Variants in SRBD1 observed in about 807,000 individuals in gnomAD.
SRBD1 encodes S1 RNA binding domain 1, also known as S1 RNA-binding domain-containing protein 1.
A neutral mutation model predicts 115.3 loss-of-function variants in SRBD1; 88 were observed. That is an observed-to-expected ratio of 0.76 (90% CI 0.64 to 0.91). The LOEUF (loss-of-function observed/expected upper bound fraction) is 0.91, where lower values mean the gene tolerates loss of function less well. Ranked by LOEUF, SRBD1 falls within the 40% of genes least tolerant of loss-of-function variation. The probability of loss-of-function intolerance (pLI) is 0.00; values close to 1 mark genes in which losing one functional copy is unlikely to be tolerated. For missense variants in SRBD1, 1,385 were observed against 1,177.4 expected (o/e 1.18, Z -2.58); for synonymous variants, 509 against 407.7 (o/e 1.25, Z -2.99).
rs150453107 is a variant in SRBD1 at position 45,597,715 on chromosome 2, T to G, written c.648+1734A>C. Among the ~76,000 whole-genome samples, 173 of 152,310 alleles carry G rather than the reference T, an allele frequency of 1.1e-3. 1 individual carries two copies. The highest frequency in any genetic ancestry group is 3.9e-3 in the East Asian group (20 of 5,178). On this transcript the variant is annotated intron_variant, in intron 4 of 20. Coordinates refer to ENST00000263736, the MANE Select transcript of SRBD1 (RefSeq NM_018079.5). The stretch of plus-strand genomic sequence containing the variant: ...GACCACATTCTGTCCCTTTTGTTCT[T>G]TGAAAGGTCCCTATGTCCTTGGTGA...
chr2:45,401,322 A>G (rs1667286495), intron 19 of SRBD1, among the ~76,000 whole-genome samples: 1 of 152,104 alleles, frequency 6.6e-6, no homozygotes, highest in South Asian at 2.1e-4. Context: ...TCCACTTAAC[A>G]TTTTTATATT....
At position 45,581,851 on chromosome 2, in the gene SRBD1, C is replaced by A; in HGVS notation, c.816-41G>T. 2.0e-6 allele frequency: 3 copies of A among 1,498,078 alleles called. No individual in the cohort carries two copies. In the South Asian group the frequency reaches 3.6e-5, roughly 18 times the overall value. The allele number at this position is 1,498,078 out of a possible 1,614,324, so 92.8% of individuals were successfully genotyped here. Reference sequence around the variant, plus strand: ...TTTGTAATATACCAAAACTGTATGTCAAAACTTTCTTTTCAAAGCTACCTC... The same window carrying A: ...TTTGTAATATACCAAAACTGTATGTAAAAACTTTCTTTTCAAAGCTACCTC... On this transcript the variant is annotated intron_variant, in intron 5 of 20. Coordinates refer to ENST00000263736, the MANE Select transcript of SRBD1 (RefSeq NM_018079.5).
intron 18 of SRBD1, among the ~76,000 whole-genome samples, chr2:45,415,787 AG>A (rs1265840555): frequency 1.3e-5 from 1 of 74,320 alleles, no homozygotes; most frequent in African/African-American, 6.7e-5. Context: ...AGGAGAGGAG[AG>A]GAGAGGAGAG....
intron 4 of SRBD1, among the ~76,000 whole-genome samples, chr2:45,591,400 C>T (rs568454351): frequency 7.2e-5 from 11 of 152,268 alleles, no homozygotes; most frequent in South Asian, 2.1e-4. Context: ...CTCCAATTCC[C>T]GAGTTTTCAG....
chr2:45,557,180 G>T (rs1229161826), intron 10 of SRBD1, among the ~76,000 whole-genome samples: 4 of 152,066 alleles, frequency 2.6e-5, no homozygotes, highest in Admixed American at 1.3e-4. Flanking sequence ...GATGAGGGTA[G>T]AAAATGTGGC....
intron 16 of SRBD1, among the ~76,000 whole-genome samples, chr2:45,465,646 T>C (rs1415477790): frequency 6.6e-6 from 1 of 152,198 alleles, no homozygotes; most frequent in Non-Finnish European, 1.5e-5. Flanking sequence ...AGTTTCATTT[T>C]AAAAATATTA....
chr2:45,453,815 A>G (rs3770263), intron 16 of SRBD1, among the ~76,000 whole-genome samples: 121,286 of 151,782 alleles, frequency 0.8, 49,223 homozygotes, highest in African/African-American at 0.92. Flanking sequence ...GGGTTAACAT[A>G]CAAATATAAA....
intron 2 of SRBD1, among the ~76,000 whole-genome samples, chr2:45,604,168 G>C (rs6736965): frequency 0.18 from 27,621 of 151,412 alleles, 4,316 homozygotes; most frequent in African/African-American, 0.43. Context: ...AGTTTTGCCC[G>C]CTATAGTCTA....
chr2:45,415,575 TA>T (rs904721965), intron 18 of SRBD1, among the ~76,000 whole-genome samples: 2 of 140,520 alleles, frequency 1.4e-5, no homozygotes, highest in South Asian at 2.3e-4. Flanking sequence ...ATATATAGGT[TA>T]AAAAACAAAA....
At chr2:45,588,323 T>A (rs978985125) in intron 4 of SRBD1, among the ~76,000 whole-genome samples, 1 of 152,216 alleles carries the variant, frequency 6.6e-6, no homozygotes, top group African/African-American at 2.4e-5. Context: ...GCCAGCCCAA[T>A]AGCCTTCTCT....
intron 10 of SRBD1, among the ~76,000 whole-genome samples, chr2:45,555,642 A>G (rs536925697): frequency 3.3e-5 from 5 of 151,904 alleles, no homozygotes; most frequent in Admixed American, 1.3e-4. Context: ...AGGCGCCACC[A>G]TACCCGGCTA....
At chr2:45,440,955 A>G (rs1345055013) in intron 16 of SRBD1, among the ~76,000 whole-genome samples, 2 of 152,214 alleles carry the variant, frequency 1.3e-5, no homozygotes, top group African/African-American at 4.8e-5. Flanking sequence ...ATAATAAAAA[A>G]AGGCTTTTCT....
At chr2:45,484,213 T>C (rs759483845) in intron 15 of SRBD1, among the ~76,000 whole-genome samples, 28 of 152,136 alleles carry the variant, frequency 1.8e-4, no homozygotes, top group Non-Finnish European at 3.5e-4. Context: ...AGGGGCAGGA[T>C]GCTAAAACAA....
chr2:45,605,339 A>G, intron 2 of SRBD1, 23 bp downstream of exon 2: 1 of 1,592,164 alleles, frequency 6.3e-7, no homozygotes. Context: ...TCCCCTACCC[A>G]CATATTAAAC....
At chr2:45,492,730 C>T (rs572526174) in intron 14 of SRBD1, among the ~76,000 whole-genome samples, 4 of 152,104 alleles carry the variant, frequency 2.6e-5, no homozygotes, top group East Asian at 1.9e-4. Context: ...CAAGCCACTG[C>T]GCCCAGCCAA....
chr2:45,521,985 G>C (rs1204198671), intron 14 of SRBD1, among the ~76,000 whole-genome samples: 1 of 147,740 alleles, frequency 6.8e-6, no homozygotes, highest in African/African-American at 2.5e-5. Context: ...AAGAAAGAAA[G>C]AAAGAAAGAA....
Position 45,605,885 on chromosome 2 carries a change from C to G in SRBD1, c.1-444G>C, listed in dbSNP as rs553193485. ...CATAATTGCACTCCAGCCTGGGCAACAGAGTGAGACTCGGTCTCAAAAAAA... is the reference window on the plus strand; with the variant it reads ...CATAATTGCACTCCAGCCTGGGCAAGAGAGTGAGACTCGGTCTCAAAAAAA... On this transcript the variant is annotated intron_variant, in intron 1 of 20. Coordinates refer to ENST00000263736, the MANE Select transcript of SRBD1 (RefSeq NM_018079.5). 1.8e-4 allele frequency among the ~76,000 whole-genome samples: 22 copies of G among 123,742 alleles called. No homozygotes were observed. The East Asian group carries it at 4.2e-3, about 24-fold the overall frequency. The allele number at this position is 123,742 out of a possible 152,430, so 81.2% of individuals were successfully genotyped here.
intron 14 of SRBD1, among the ~76,000 whole-genome samples, chr2:45,522,164 AT>A (rs1671304732): frequency 6.6e-6 from 1 of 152,116 alleles, no homozygotes; most frequent in East Asian, 1.9e-4. Context: ...AAAATCTAAA[AT>A]AAAAAAATGC....
In SRBD1 at chr2:45,599,590, C is replaced by A. The variant is rs759764385; in HGVS notation, c.507G>T (p.Glu169Asp). ...TVWGGTCKKEENDDDFTFGQS... is the reference protein window; with the variant it reads ...TVWGGTCKKEDNDDDFTFGQS... ...GACCAAATGTAAAGTCATCGTCATT[C>A]TCTTCCTTCTTGCATGTACCTCCCC... Residue 169 changes from glutamate (E) to aspartate (D), a missense_variant, in exon 4 of 21, where the codon GAG becomes GAT. Glu to Asp is a conservative substitution (Grantham distance 45, BLOSUM62 2). Coordinates refer to ENST00000263736, the MANE Select transcript of SRBD1 (RefSeq NM_018079.5). 1 of 1,614,196 alleles carries A rather than the reference C, an allele frequency of 6.2e-7. No individual in the cohort carries two copies. The highest frequency in any genetic ancestry group is 8.5e-7 in the Non-Finnish European group (1 of 1,180,042).
Sources: gnomAD v4.1 joint callset for allele counts (sites outside exome capture counted in the v4.1 genomes callset) on GRCh38, gnomAD v4.1.1 for gene constraint, MANE v1.5 for transcripts, NCBI Gene and HGNC (gene_info 2026-07-23, HGNC 2026-07-21) for gene names.